UBAP2: variants seen among roughly 807,000 people sequenced by gnomAD.
The protein encoded by UBAP2 is ubiquitin associated protein 2.
UBAP2 carries 75 observed loss-of-function variants against 139.6 expected under a neutral mutation model. That is an observed-to-expected ratio of 0.54 (90% CI 0.45 to 0.65). UBAP2 has a LOEUF of 0.65. UBAP2 is among the 30% of genes least tolerant of loss of function. The pLI is 0.00. For synonymous variants in UBAP2, 526 were observed against 526.2 expected, an observed-to-expected ratio of 1.00 and a Z score of 0.01; for missense variants, 1,368 against 1,369.6, an observed-to-expected ratio of 1.00 and a Z score of 0.02.
intron 26 of UBAP2, 47 bp downstream of exon 26, chr9:33,923,139 A>G (rs1299205117): frequency 1.2e-6 from 2 of 1,611,452 alleles, no homozygotes; most frequent in East Asian, 2.2e-5. Flanking sequence ...ATCAGGCAGG[A>G]GCCCACCACT....
chr9:33,930,725 G>T (rs764492254), intron 19 of UBAP2, among the ~76,000 whole-genome samples: 2 of 151,812 alleles, frequency 1.3e-5, no homozygotes, highest in Admixed American at 1.3e-4. Flanking sequence ...GTGAAATCCC[G>T]TCTCTACTAA....
intron 8 of UBAP2, among the ~76,000 whole-genome samples, chr9:33,967,493 A>T (rs1325137131): frequency 6.6e-6 from 1 of 152,204 alleles, no homozygotes; most frequent in Non-Finnish European, 1.5e-5. Context: ...TGTATTCCTA[A>T]CTGCCAGGAT....
At chr9:33,926,882 A>AG in intron 21 of UBAP2, 107 bp downstream of exon 21, 8 of 1,154,316 alleles carry the variant, frequency 6.9e-6, no homozygotes, top group Non-Finnish European at 1.0e-5. Flanking sequence ...CAGGGATGGA[A>AG]GGGCAGCTCA....
chr9:34,048,750 C>T (rs1827855331), intron 1 of UBAP2, 75 bp downstream of exon 1: 1 of 152,232 alleles, frequency 6.6e-6, no homozygotes, highest in African/African-American at 2.4e-5. Flanking sequence ...ACGAGCTGAA[C>T]CCAGAATTAG....
chr9:34,004,857 C>T (rs1313613273), intron 2 of UBAP2, among the ~76,000 whole-genome samples: 3 of 151,958 alleles, frequency 2.0e-5, no homozygotes, highest in African/African-American at 7.3e-5. Context: ...AATCCCAGCA[C>T]TTTGGGAGGC....
chr9:34,019,265 T>C (rs1824682062), intron 1 of UBAP2, among the ~76,000 whole-genome samples: 1 of 152,038 alleles, frequency 6.6e-6, no homozygotes, highest in African/African-American at 2.4e-5. Flanking sequence ...TAGCCAGGCA[T>C]GGTGGCACAC....
At chr9:33,954,735 A>G (rs1348828153) in intron 11 of UBAP2, among the ~76,000 whole-genome samples, 6 of 152,164 alleles carry the variant, frequency 3.9e-5, no homozygotes, top group Non-Finnish European at 8.8e-5. Flanking sequence ...AATACAATAG[A>G]GAATATGTGC....
rs368771067 is a variant in UBAP2, at chr9:33,944,452, C to T, written c.1458G>A (p.Thr486=). 97 of 1,614,042 alleles carry T rather than the reference C, an allele frequency of 6.0e-5. No individual in the cohort carries two copies. The African/African-American group carries it at 9.2e-4, about 15-fold the overall frequency. Residue 486 remains threonine, a synonymous_variant, in exon 14 of 29, where the codon ACG becomes ACA. Transcript: ENST00000379238. Reference sequence around the variant, plus strand: ...CAGACACAGAGATATTTTCAATGGTCGTGCTGGGAAGCTGCAAAAGCTTGT... The same window carrying T: ...CAGACACAGAGATATTTTCAATGGTTGTGCTGGGAAGCTGCAAAAGCTTGT... The part of the protein sequence containing the change: ...TVNKLLQLPS[T]TIENISVSVH...
At chr9:34,018,587 G>C (rs1824606895) in intron 1 of UBAP2, among the ~76,000 whole-genome samples, 1 of 152,210 alleles carries the variant, frequency 6.6e-6, no homozygotes, top group Non-Finnish European at 1.5e-5. Context: ...TTATTGGCCG[G>C]GCACGGTCAC....
rs976748253 is a variant in UBAP2, at chr9:33,939,346, C to T, written c.1929+2303G>A. Among the ~76,000 whole-genome samples, 15 of 151,704 alleles carry T rather than the reference C, an allele frequency of 9.9e-5. 1 individual carries two copies. Among genetic ancestry groups the T allele is most frequent in the African/African-American group, 2.7e-4 (11 of 41,284 alleles). ...CAAGTAGTAGCTGGGACTACAGGCA[C>T]GCACTACCACATCAGGCTAATTTTT... On this transcript the variant is annotated intron_variant, in intron 16 of 28. Coordinates refer to ENST00000379238, the MANE Select transcript of UBAP2 (RefSeq NM_001370062.2).
chr9:33,989,263 G>A (rs970060261), intron 4 of UBAP2, 137 bp from the exon 5 acceptor site: 9 of 968,614 alleles, frequency 9.3e-6, no homozygotes, highest in South Asian at 4.4e-5. Context: ...AGTGCATGGC[G>A]CCCTCTCAGC....
In UBAP2 at chr9:33,922,851, C is replaced by G; in HGVS notation, c.3100G>C (p.Gly1034Arg). ...QTFDKQGFHA[G>R]TPPPFSLPSV... The stretch of plus-strand genomic sequence containing the variant: ...GGCAGGCTGAAAGGTGGAGGCGTCC[C>G]TGCATGAAATCCCTGCTTGTCAAAA... The change falls in exon 28 of 29, where the codon GGG becomes CGG. Residue 1034 changes from glycine to arginine, a missense_variant. Transcript: ENST00000379238. The G allele has an allele frequency of 6.3e-7, 1 of 1,587,278 alleles. No homozygotes were observed. Among genetic ancestry groups the G allele is most frequent in the South Asian group, 1.1e-5 (1 of 87,014 alleles).
intron 24 of UBAP2, 127 bp downstream of exon 24, chr9:33,923,668 T>G: frequency 8.7e-7 from 1 of 1,144,360 alleles, no homozygotes; most frequent in South Asian, 1.4e-5. Flanking sequence ...GCCTGAACAG[T>G]TTCTGAAGAC....
chr9:34,047,049 A>C (rs368483440), intron 1 of UBAP2, among the ~76,000 whole-genome samples: 6 of 152,290 alleles, frequency 3.9e-5, no homozygotes, highest in South Asian at 2.1e-4. Flanking sequence ...CAGGCAAGAG[A>C]GGCAATTACC....
intron 6 of UBAP2, among the ~76,000 whole-genome samples, chr9:33,981,102 G>A (rs1172287654): frequency 3.0e-3 from 1 of 332 alleles, no homozygotes; most frequent in African/African-American, 6.0e-3. Context: ...TATATATTCT[G>A]GATATATATA....
chr9:34,033,437 C>G (rs988993553), intron 1 of UBAP2, among the ~76,000 whole-genome samples: 1 of 151,912 alleles, frequency 6.6e-6, no homozygotes, highest in Non-Finnish European at 1.5e-5. Context: ...TAATCACAGA[C>G]AGTAGAAGGA....
rs117160815 is a variant in UBAP2 at position 33,922,976 on chromosome 9, T to C, written c.3062A>G (p.Asn1021Ser). The change falls in exon 27 of 29, where the codon AAT becomes AGT. Residue 1021 changes from asparagine (N) to serine (S), a missense_variant. Transcript: ENST00000379238. ...GLPDMTGSVY[N>S]KTQTFDKQGF... ...ACCTTTGTCCCTCACCTGTGTCTTA[T>C]TGTAGACAGAACCAGTCATATCAGG... The C allele has an allele frequency of 4.0e-5, 64 of 1,614,132 alleles. No individual in the cohort carries two copies. The highest frequency in any genetic ancestry group is 1.8e-4 in the East Asian group (8 of 44,876).
In UBAP2 at chr9:33,981,283, G is replaced by GAT. The variant is rs1354740175; in HGVS notation, c.520+5475_520+5476dup. On this transcript the variant is annotated intron_variant, in intron 6 of 28. Coordinates refer to ENST00000379238, the MANE Select transcript of UBAP2 (RefSeq NM_001370062.2). ...ATTCTGGATATATATATATATTCTG[G>GAT]ATATATATATATATTCTGGATATAT... 1.2e-4 allele frequency among the ~76,000 whole-genome samples: 8 copies of GAT among 67,176 alleles called. No homozygotes were observed. The South Asian group carries it at 1.9e-3, about 16-fold the overall frequency. The allele number at this position is 67,176 out of a possible 152,430, so 44.1% of individuals were successfully genotyped here. A position where few individuals can be genotyped will look rare whatever the true frequency, so the allele number is the denominator to read the frequency against.
chr9:34,044,557 C>A (rs1473352332), intron 1 of UBAP2, among the ~76,000 whole-genome samples: 1 of 151,698 alleles, frequency 6.6e-6, no homozygotes, highest in Non-Finnish European at 1.5e-5. Context: ...GAAAGACTGT[C>A]TCAAGAAAAT....
Sources: allele counts gnomAD v4.1 joint callset (sites outside exome capture counted in the v4.1 genomes callset), GRCh38; gene constraint gnomAD v4.1.1; transcripts MANE v1.5; gene names NCBI Gene and HGNC (gene_info 2026-07-23, HGNC 2026-07-21).